GLCE: variants seen among roughly 807,000 people sequenced by gnomAD.
GLCE encodes glucuronic acid epimerase, also known as D-glucuronyl C5-epimerase.
In GLCE, 19 loss-of-function variants were observed where a neutral mutation model predicts 47.9. That is an observed-to-expected ratio of 0.40 (90% CI 0.28 to 0.58). The LOEUF (loss-of-function observed/expected upper bound fraction) is 0.58. Ranked by LOEUF, GLCE falls within the 20% of genes least tolerant of loss-of-function variation. GLCE has a pLI of 0.48. For missense variants in GLCE, 556 were observed against 743.3 expected (o/e 0.75, Z 2.93); for synonymous variants, 245 against 263.4 (o/e 0.93, Z 0.68).
intron 2 of GLCE, among the ~76,000 whole-genome samples, chr15:69,251,787 A>G (rs970469067): frequency 8.5e-5 from 13 of 152,124 alleles, no homozygotes; most frequent in Non-Finnish European, 1.6e-4. Context: ...AATTCTTACA[A>G]ATTTGACTAA....
intron 1 of GLCE, among the ~76,000 whole-genome samples, chr15:69,185,904 C>G (rs2051815928): frequency 6.6e-6 from 1 of 152,130 alleles, no homozygotes; most frequent in Non-Finnish European, 1.5e-5. Flanking sequence ...CAACTGGTTT[C>G]AAGTTGGGTT....
intron 4 of GLCE, among the ~76,000 whole-genome samples, chr15:69,261,705 G>A (rs1372423159): frequency 6.6e-6 from 1 of 152,130 alleles, no homozygotes. Flanking sequence ...TAAGGAGACA[G>A]CCATCTTTTC....
At chr15:69,205,480 A>T (rs1241375918) in intron 1 of GLCE, among the ~76,000 whole-genome samples, 1 of 152,086 alleles carries the variant, frequency 6.6e-6, no homozygotes, top group Non-Finnish European at 1.5e-5. Context: ...ATTTTGTGCA[A>T]ATGAGTTCTC....
chr15:69,207,447 A>G (rs1259621729), intron 1 of GLCE, among the ~76,000 whole-genome samples: 1 of 152,106 alleles, frequency 6.6e-6, no homozygotes, highest in Non-Finnish European at 1.5e-5. Flanking sequence ...CCTGACAACC[A>G]AAATCTCCTG....
At chr15:69,188,194 T>A (rs1450567043) in intron 1 of GLCE, among the ~76,000 whole-genome samples, 5 of 152,132 alleles carry the variant, frequency 3.3e-5, no homozygotes, top group Admixed American at 3.3e-4. Flanking sequence ...AGATTGCCAC[T>A]GCACTCCAGC....
intron 2 of GLCE, among the ~76,000 whole-genome samples, chr15:69,227,665 T>G (rs1343901009): frequency 6.6e-6 from 1 of 152,244 alleles, no homozygotes; most frequent in Non-Finnish European, 1.5e-5. Flanking sequence ...CTTGGGCATA[T>G]ATGCTGACCT....
At chr15:69,199,910 G>A (rs2052051886) in intron 1 of GLCE, among the ~76,000 whole-genome samples, 1 of 152,156 alleles carries the variant, frequency 6.6e-6, no homozygotes, top group East Asian at 1.9e-4. Flanking sequence ...TGAGGAATTG[G>A]AACTAGAGTG....
intron 1 of GLCE, among the ~76,000 whole-genome samples, chr15:69,205,518 A>G (rs781556254): frequency 4.6e-5 from 7 of 152,124 alleles, no homozygotes; most frequent in Non-Finnish European, 7.4e-5. Flanking sequence ...ATACATAGGT[A>G]TGGGATTGGT....
chr15:69,214,782 C>T (rs1332933221), intron 2 of GLCE, among the ~76,000 whole-genome samples: 2 of 152,170 alleles, frequency 1.3e-5, no homozygotes, highest in Admixed American at 6.5e-5. Flanking sequence ...AGAAACCTGA[C>T]TCTCATTCTC....
rs2053149836 is a variant in GLCE at position 69,270,415 on chromosome 15, C to A, written c.*1171C>A. ...CAGATCTTTATTTAGGTATACATAT[C>A]CTCCTATACCGCACATAAATAGATT... On this transcript the variant is annotated 3_prime_UTR_variant, in exon 5 of 5. Transcript: ENST00000261858. 1 of 151,914 alleles carries A rather than the reference C, an allele frequency of 6.6e-6. No homozygotes were observed. Among genetic ancestry groups the A allele is most frequent in the African/African-American group, 2.4e-5 (1 of 41,374 alleles). 9.4% of individuals were successfully genotyped at this position (151,914 alleles called of 1,614,324 possible). A position where few individuals can be genotyped will look rare whatever the true frequency, so the allele number is the denominator to read the frequency against.
chr15:69,256,381 G>A lies in GLCE; in HGVS notation c.575G>A (p.Ser192Asn). The change falls in exon 3 of 5, where the codon AGT (serine) becomes AAT (asparagine). Residue 192 changes from serine to asparagine, a missense_variant. Ser to Asn is a conservative substitution (Grantham distance 46). This residue lies in a region of GLCE where 237 missense variants were observed against 310.9 expected (regional missense o/e 0.76). Coordinates refer to ENST00000261858, the MANE Select transcript of GLCE (RefSeq NM_015554.3). Reference sequence around the variant, plus strand: ...GTCCGAGACAGAGTCAAGTGCATAAGTGGGGTTGAAGGTTGGTATCTGTCT... The same window carrying A: ...GTCCGAGACAGAGTCAAGTGCATAAATGGGGTTGAAGGTTGGTATCTGTCT... ...VEVRDRVKCI[S>N]GVEGVPLSTQ... 1 of 1,608,000 alleles carries A rather than the reference G, an allele frequency of 6.2e-7. No individual in the cohort carries two copies. The highest frequency in any genetic ancestry group is 8.5e-7 in the Non-Finnish European group (1 of 1,176,482).
At chr15:69,182,031 T>C (rs1295983187) in intron 1 of GLCE, among the ~76,000 whole-genome samples, 1 of 152,008 alleles carries the variant, frequency 6.6e-6, no homozygotes. Context: ...TAGAAGTTCT[T>C]TTATTGCTTC....
At chr15:69,248,795 T>A (rs1033137633) in intron 2 of GLCE, among the ~76,000 whole-genome samples, 1 of 152,096 alleles carries the variant, frequency 6.6e-6, no homozygotes, top group African/African-American at 2.4e-5. Context: ...ACAGATGGGA[T>A]TTCACCATGT....
rs1365682914 is a variant in GLCE, at chr15:69,269,234, A to G, written c.1844A>G (p.Lys615Arg). 1 of 1,613,726 alleles carries G rather than the reference A, an allele frequency of 6.2e-7. No individual in the cohort carries two copies. Among genetic ancestry groups the G allele is most frequent in the Admixed American group, 1.7e-5 (1 of 60,028 alleles). Residue 615 changes from lysine (K) to arginine (R), a missense_variant, in exon 5 of 5, where the codon AAG becomes AGG. Transcript: ENST00000261858. ...AGCTACCTTAAAGGCAGCAGGGCAA[A>G]GCACAACTAGAGCTCACAACCAAAA... ...WKSYLKGSRA[K>R]HN
At chr15:69,209,428 T>C (rs1221879261) in intron 1 of GLCE, among the ~76,000 whole-genome samples, 1 of 148,692 alleles carries the variant, frequency 6.7e-6, no homozygotes, top group African/African-American at 2.6e-5. Flanking sequence ...TCAACCCAGT[T>C]AGAGTCACAC....
intron 1 of GLCE, among the ~76,000 whole-genome samples, chr15:69,177,170 C>T (rs1318488220): frequency 2.0e-5 from 3 of 152,188 alleles, no homozygotes; most frequent in African/African-American, 7.2e-5. Flanking sequence ...TAGGCATGCG[C>T]CACCACACCC....
chr15:69,195,076 T>C (rs547440507), intron 1 of GLCE, among the ~76,000 whole-genome samples: 1 of 152,252 alleles, frequency 6.6e-6, no homozygotes, highest in East Asian at 1.9e-4. Context: ...GTCACTTTTT[T>C]CCATCTGCAA....
chr15:69,231,188 TA>T (rs1472729779), intron 2 of GLCE, among the ~76,000 whole-genome samples: 3 of 152,190 alleles, frequency 2.0e-5, no homozygotes, highest in East Asian at 3.9e-4. Context: ...CAGATTTTAT[TA>T]TACTTTAGAC....
chr15:69,257,845 C>A (rs1777932391), intron 3 of GLCE, among the ~76,000 whole-genome samples: 1 of 151,762 alleles, frequency 6.6e-6, no homozygotes, highest in Non-Finnish European at 1.5e-5. Context: ...AGAGTCAAAC[C>A]TTTTTTTCAG....
Sources: allele counts gnomAD v4.1 joint callset (sites outside exome capture counted in the v4.1 genomes callset), GRCh38; gene constraint gnomAD v4.1.1; regional missense constraint gnomAD v4.1.1; transcripts MANE v1.5; gene names NCBI Gene and HGNC (gene_info 2026-07-23, HGNC 2026-07-21).